VCAN: variants seen among roughly 807,000 people sequenced by gnomAD.
The protein encoded by VCAN is versican core protein.
Under a neutral mutation model 245.5 loss-of-function variants are expected in VCAN, and 44 were observed. That is an observed-to-expected ratio of 0.18 (90% CI 0.14 to 0.23). The LOEUF (loss-of-function observed/expected upper bound fraction) is 0.23. Ranked by LOEUF, VCAN falls within the 10% of genes least tolerant of loss-of-function variation. The pLI is 1.00. For missense variants in VCAN, 3,793 were observed against 4,057.9 expected, an observed-to-expected ratio of 0.93 and a Z score of 1.77; for synonymous variants, 1,413 against 1,437.0, an observed-to-expected ratio of 0.98 and a Z score of 0.38.
At chr5:83,490,612 T>C in intron 3 of VCAN, 140 bp downstream of exon 3, 2 of 1,316,262 alleles carry the variant, frequency 1.5e-6, no homozygotes, top group South Asian at 2.7e-5. Context: ...GTCCACGTCT[T>C]TCACCAAAAA....
chr5:83,524,090 A>G (rs567792093), intron 7 of VCAN, among the ~76,000 whole-genome samples: 11 of 152,310 alleles, frequency 7.2e-5, no homozygotes, highest in African/African-American at 2.4e-4. Context: ...AAACTCTTCC[A>G]AGTGGGAAAC....
chr5:83,556,944 C>A (rs1747692843), intron 12 of VCAN, among the ~76,000 whole-genome samples: 1 of 152,072 alleles, frequency 6.6e-6, no homozygotes, highest in Admixed American at 6.6e-5. Context: ...ATTAAGTCTA[C>A]CTCCCACGAA....
At chr5:83,547,629 T>G (rs1037829694) in intron 9 of VCAN, among the ~76,000 whole-genome samples, 4 of 152,128 alleles carry the variant, frequency 2.6e-5, no homozygotes, top group African/African-American at 9.7e-5. Context: ...GGCTGTTGAT[T>G]CTTCATTCGT....
rs1746106672 is a variant in VCAN at position 83,521,663 on chromosome 5, G to A, written c.3357G>A (p.Val1119=). 1 of 1,613,674 alleles carries A rather than the reference G, an allele frequency of 6.2e-7. No individual in the cohort carries two copies. Among genetic ancestry groups the A allele is most frequent in the Non-Finnish European group, 8.5e-7 (1 of 1,180,006 alleles). The stretch of plus-strand genomic sequence containing the variant: ...AGCACAAAGTGAAAACAGATGAAGT[G>A]GTAACACTAACACCACGCATTGGGC... ...VTEHKVKTDE[V]VTLTPRIGPK... is the part of the protein sequence containing the mutation. Residue 1119 remains valine (V), a synonymous_variant, in exon 7 of 15, where the codon GTG becomes GTA. Coordinates refer to ENST00000265077, the MANE Select transcript of VCAN (RefSeq NM_004385.5).
chr5:83,563,185 A>G (rs1171167971), intron 12 of VCAN, among the ~76,000 whole-genome samples: 1 of 152,158 alleles, frequency 6.6e-6, no homozygotes, highest in Non-Finnish European at 1.5e-5. Context: ...CGGTCAACGA[A>G]TTACCCTGTT....
At chr5:83,494,264 T>G (rs1358650273) in intron 5 of VCAN, among the ~76,000 whole-genome samples, 2 of 152,106 alleles carry the variant, frequency 1.3e-5, no homozygotes, top group African/African-American at 4.8e-5. Flanking sequence ...GAGCATAAGA[T>G]AAAAATCATG....
At chr5:83,548,500 G>A (rs1461156786) in intron 10 of VCAN, among the ~76,000 whole-genome samples, 1 of 152,134 alleles carries the variant, frequency 6.6e-6, no homozygotes, top group Non-Finnish European at 1.5e-5. Flanking sequence ...TGATATAGTT[G>A]TTAGAATACA....
At chr5:83,503,161 A>G (rs1200366918) in intron 5 of VCAN, among the ~76,000 whole-genome samples, 1 of 152,206 alleles carries the variant, frequency 6.6e-6, no homozygotes, top group Non-Finnish European at 1.5e-5. Flanking sequence ...AATAAGCATT[A>G]GTTTTTCCTG....
intron 3 of VCAN, among the ~76,000 whole-genome samples, 162 bp from the exon 4 acceptor site, chr5:83,493,384 C>G (rs1243022170): frequency 6.6e-6 from 1 of 152,160 alleles, no homozygotes; most frequent in Non-Finnish European, 1.5e-5. Context: ...CCCCTCAAAT[C>G]AACATGATTT....
chr5:83,493,988 A>G (rs1745073463), intron 5 of VCAN, 57 bp downstream of exon 5: 3 of 1,612,284 alleles, frequency 1.9e-6, no homozygotes, highest in Admixed American at 1.7e-5. Context: ...AGGGAAGACC[A>G]GAAGTTCATT....
chr5:83,538,532 C>T lies in VCAN; in HGVS notation c.5529C>T (p.Asp1843=), dbSNP rs766379478. The part of the protein sequence containing the change: ...MEQGSGEAAA[D]PETTTVSSFS... Reference sequence around the variant, plus strand: ...AGGGCTCTGGAGAAGCTGCTGCCGACCCAGAAACCACCACTGTTTCTTCAT... The same window carrying T: ...AGGGCTCTGGAGAAGCTGCTGCCGATCCAGAAACCACCACTGTTTCTTCAT... Residue 1843 remains aspartate, a synonymous_variant, in exon 8 of 15, where the codon GAC becomes GAT. Transcript: ENST00000265077. 1 of 1,614,010 alleles carries T rather than the reference C, an allele frequency of 6.2e-7. No homozygotes were observed. The highest frequency in any genetic ancestry group is 1.1e-5 in the South Asian group (1 of 91,084).
intron 9 of VCAN, among the ~76,000 whole-genome samples, chr5:83,545,977 A>G (rs1317207229): frequency 6.6e-6 from 1 of 152,204 alleles, no homozygotes; most frequent in Non-Finnish European, 1.5e-5. Flanking sequence ...AATAAAAATC[A>G]ATTTCAGTAT....
chr5:83,573,854 A>AC (rs1328309270), intron 13 of VCAN, among the ~76,000 whole-genome samples: 4 of 152,342 alleles, frequency 2.6e-5, no homozygotes, highest in African/African-American at 9.6e-5. Context: ...GAGATGGGTT[A>AC]CCACCGCATA....
chr5:83,531,924 G>C (rs778501216), intron 7 of VCAN, among the ~76,000 whole-genome samples: 1 of 151,910 alleles, frequency 6.6e-6, no homozygotes, highest in Non-Finnish European at 1.5e-5. Context: ...TATAAACATA[G>C]AAAAGATTAT....
At chr5:83,494,858 A>G (rs891754976) in intron 5 of VCAN, among the ~76,000 whole-genome samples, 2 of 147,926 alleles carry the variant, frequency 1.4e-5, no homozygotes, top group Non-Finnish European at 3.0e-5. Flanking sequence ...AAGTGAGAGA[A>G]GTGTGGGGGT....
intron 5 of VCAN, among the ~76,000 whole-genome samples, chr5:83,510,258 A>G (rs1745611092): frequency 6.6e-6 from 1 of 152,222 alleles, no homozygotes; most frequent in African/African-American, 2.4e-5. Flanking sequence ...TTTCCTCAAT[A>G]GCAATTTTAG....
chr5:83,477,498 T>C, intron 1 of VCAN, among the ~76,000 whole-genome samples: 1 of 151,870 alleles, frequency 6.6e-6, no homozygotes, highest in East Asian at 1.9e-4. Context: ...AAATATAAGA[T>C]GAATCAAATA....
Position 83,519,754 on chromosome 5 carries a change from C to T in VCAN, c.1448C>T (p.Thr483Ile), listed in dbSNP as rs1057083772. 31 of 1,614,096 alleles carry T rather than the reference C, an allele frequency of 1.9e-5. No individual in the cohort carries two copies. Among genetic ancestry groups the T allele is most frequent in the Non-Finnish European group, 2.6e-5 (31 of 1,179,966 alleles). The change falls in exon 7 of 15, where the codon ACA (threonine) becomes ATA (isoleucine). Residue 483 changes from threonine (T) to isoleucine (I), a missense_variant. By Grantham distance (89) the Thr-to-Ile change is moderately conservative. Coordinates refer to ENST00000265077, the MANE Select transcript of VCAN (RefSeq NM_004385.5). ...SWDGVVEDKQ[T>I]QESVTQIEQI... ...GATGGTGTCGTGGAAGATAAACAAA[C>T]ACAAGAATCGGTTACACAGATTGAA...
intron 8 of VCAN, among the ~76,000 whole-genome samples, chr5:83,543,070 C>T (rs1747065736): frequency 6.6e-6 from 1 of 152,224 alleles, no homozygotes; most frequent in Non-Finnish European, 1.5e-5. Context: ...AGGATTTGAA[C>T]CCAGCTTAGC....
Sources: gnomAD v4.1 joint callset for allele counts (sites outside exome capture counted in the v4.1 genomes callset) on GRCh38, gnomAD v4.1.1 for gene constraint, MANE v1.5 for transcripts, NCBI Gene and HGNC (gene_info 2026-07-23, HGNC 2026-07-21) for gene names.